Variants in NECTIN1 observed in about 807,000 individuals in gnomAD.
The protein encoded by NECTIN1 is nectin cell adhesion molecule 1, also known as nectin-1.
NECTIN1 carries 23 observed loss-of-function variants against 48.0 expected under a neutral mutation model. The observed-to-expected ratio is 0.48, with a 90% CI of 0.34 to 0.68. The LOEUF is 0.68. Ranked by LOEUF, NECTIN1 falls within the 30% of genes least tolerant of loss-of-function variation. The probability of loss-of-function intolerance (pLI) is 0.01; values close to 1 mark genes in which losing one functional copy is unlikely to be tolerated. For synonymous variants in NECTIN1, 270 were observed against 288.9 expected, an observed-to-expected ratio of 0.93 and a Z score of 0.66; for missense variants, 591 against 709.9, an observed-to-expected ratio of 0.83 and a Z score of 1.90.
At chr11:119,705,898 C>A (rs910411545) in intron 1 of NECTIN1, among the ~76,000 whole-genome samples, 1 of 151,974 alleles carries the variant, frequency 6.6e-6, no homozygotes, top group Admixed American at 6.5e-5. Context: ...AGACAGCTGG[C>A]AGCCCACTCC....
At chr11:119,712,133 C>A (rs938795835) in intron 1 of NECTIN1, among the ~76,000 whole-genome samples, 1 of 152,182 alleles carries the variant, frequency 6.6e-6, no homozygotes, top group African/African-American at 2.4e-5. Context: ...GCTTGGACTG[C>A]GCACAGGTCA....
At chr11:119,646,575 C>G (rs1488842847) in intron 5 of NECTIN1, among the ~76,000 whole-genome samples, 1 of 151,986 alleles carries the variant, frequency 6.6e-6, no homozygotes, top group African/African-American at 2.4e-5. Flanking sequence ...TATTTGATGC[C>G]CCCACCCCTT....
rs66955603 is a variant in NECTIN1 at position 119,683,573 on chromosome 11, G to GGTGT, written c.80-4812_80-4809dup. ...AGAAACAGGGGCTTTGGGGATCCCG[G>GGTGT]GTGTGTGTGTGTGTGTGTGTGTGTG... is the stretch of plus-strand genomic sequence containing the variant. On this transcript the variant is annotated intron_variant, in intron 1 of 5. Transcript: ENST00000264025. This position sits in a 1 kb window ranked among gnomAD's most constrained non-coding sequence, Gnocchi z 4.0. 0.019 allele frequency among the ~76,000 whole-genome samples: 2,778 copies of GGTGT among 143,648 alleles called. 52 individuals are homozygous for GGTGT. Among genetic ancestry groups the GGTGT allele is most frequent in the African/African-American group, 0.053 (2,032 of 38,464 alleles). 94.2% of individuals were successfully genotyped at this position (143,648 alleles called of 152,430 possible). A position where few individuals can be genotyped will look rare whatever the true frequency, so the allele number is the denominator to read the frequency against.
intron 5 of NECTIN1, 84 bp downstream of exon 5, chr11:119,675,075 C>CAGTG: frequency 6.8e-7 from 1 of 1,468,174 alleles, no homozygotes; most frequent in Non-Finnish European, 9.5e-7. Context: ...AATCTTCCTG[C>CAGTG]AGTGGCATTG....
At chr11:119,638,743 A>G in exon 7 of NECTIN1, 1 of 1,613,734 alleles carries the variant, frequency 6.2e-7, no homozygotes, top group Non-Finnish European at 8.5e-7. Flanking sequence ...GGATATCCTC[A>G]GGCACAAGGG....
At chr11:119,718,921 T>C (rs998408488) in intron 1 of NECTIN1, among the ~76,000 whole-genome samples, 1 of 152,248 alleles carries the variant, frequency 6.6e-6, no homozygotes, top group Non-Finnish European at 1.5e-5. Context: ...ACATGAAATG[T>C]TATCTTGGGG....
chr11:119,648,307 ATGGTGGTGATGGTGATGG>A (rs1864434352), intron 5 of NECTIN1, among the ~76,000 whole-genome samples: 1 of 10,430 alleles, frequency 9.6e-5, no homozygotes. Flanking sequence ...GGTGGTGGTG[ATGGTGGTGATGGTGATGG>A]TGGTGATGGT....
At chr11:119,642,659 G>T (rs1452793330) in intron 5 of NECTIN1, 4 of 153,518 alleles carry the variant, frequency 2.6e-5, no homozygotes, top group African/African-American at 9.7e-5. Context: ...CATCTCTGGG[G>T]GATTGGATCC....
chr11:119,677,418 C>T lies in NECTIN1; in HGVS notation c.733+137G>A, dbSNP rs1386697859. 3.5e-6 allele frequency: 4 copies of T among 1,133,850 alleles called. No homozygotes were observed. Among genetic ancestry groups the T allele is most frequent in the Non-Finnish European group, 3.9e-6 (3 of 764,282 alleles). 70.2% of individuals were successfully genotyped at this position (1,133,850 alleles called of 1,614,324 possible). On this transcript the variant is annotated intron_variant, in intron 3 of 5. Transcript: ENST00000264025. This position sits in a 1 kb window ranked among gnomAD's most constrained non-coding sequence, Gnocchi z 5.4. ...ACAGGGAAGGAGGAGAGAAAACGAG[C>T]AAAGGGAGGAGATAGGGGAGACAGG...
downstream of NECTIN1, among the ~76,000 whole-genome samples, chr11:119,659,857 CT>C (rs1201140630): frequency 1.3e-5 from 2 of 152,234 alleles, no homozygotes; most frequent in African/African-American, 2.4e-5. Flanking sequence ...CATTTATTGC[CT>C]GCACAAATTA....
rs1481332063 is a variant in NECTIN1, at chr11:119,728,874, C to T, written c.-321G>A. On this transcript the variant is annotated 5_prime_UTR_variant, in exon 1 of 6. Coordinates refer to ENST00000264025, the MANE Select transcript of NECTIN1 (RefSeq NM_002855.5). ...CGCAGAGCGGGGCTGGGGAGAGGGA[C>T]CCACCCCCGGCGCGCCCGGCTGCCC... is the stretch of plus-strand genomic sequence containing the variant. 3.8e-6 allele frequency: 1 copy of T among 264,248 alleles called. No individual in the cohort carries two copies. The highest frequency in any genetic ancestry group is 7.1e-6 in the Non-Finnish European group (1 of 140,878). The allele number at this position is 264,248 out of a possible 1,614,324, so 16.4% of individuals were successfully genotyped here. A position where few individuals can be genotyped will look rare whatever the true frequency, so the allele number is the denominator to read the frequency against.
Position 119,665,024 on chromosome 11 carries a change from TTCTCGTCG to T in NECTIN1, c.1269_1276del (p.Asp423GlufsTer12). The stretch of plus-strand genomic sequence containing the variant: ...GCTTCCACCCAGTGGGCCGGCCTTC[TTCTCGTCG>T]TCTGAGTCGTCGGGGTACTGCAGGT... On this transcript the variant is annotated frameshift_variant, in exon 6 of 6. Transcript: ENST00000264025. LOFTEE classifies it high-confidence loss of function. The surrounding 1 kb of genome is among the most constrained non-coding windows in gnomAD (Gnocchi z 5.1). 1 of 1,613,842 alleles carries T rather than the reference TTCTCGTCG, an allele frequency of 6.2e-7. No individual in the cohort carries two copies. Among genetic ancestry groups the T allele is most frequent in the Non-Finnish European group, 8.5e-7 (1 of 1,179,898 alleles).
rs1865116628 is a variant in NECTIN1, at chr11:119,684,313, G to C, written c.80-5548C>G. Among the ~76,000 whole-genome samples the C allele has an allele frequency of 6.6e-6, 1 of 152,214 alleles. No homozygotes were observed. The highest frequency in any genetic ancestry group is 2.4e-5 in the African/African-American group (1 of 41,450). On this transcript the variant is annotated intron_variant, in intron 1 of 5. Coordinates refer to ENST00000264025, the MANE Select transcript of NECTIN1 (RefSeq NM_002855.5). This position sits in a 1 kb window ranked among gnomAD's most constrained non-coding sequence, Gnocchi z 5.2. ...CCCCTCCTTTCCTGAGACTCTGCCT[G>C]GGGGCCTTGAAGTGGCTGGGCAGGG...
chr11:119,707,803 C>T (rs1330822842), intron 1 of NECTIN1, among the ~76,000 whole-genome samples: 1 of 152,160 alleles, frequency 6.6e-6, no homozygotes, highest in Non-Finnish European at 1.5e-5. Context: ...ATCAAAATAT[C>T]AAATCAGGGC....
Position 119,662,320 on chromosome 11 carries a change from C to G in NECTIN1, c.*2427G>C. 1.0e-6 allele frequency: 1 copy of G among 985,812 alleles called. No individual in the cohort carries two copies. The highest frequency in any genetic ancestry group is 1.2e-6 in the Non-Finnish European group (1 of 829,928). 61.1% of individuals were successfully genotyped at this position (985,812 alleles called of 1,614,324 possible). A position where few individuals can be genotyped will look rare whatever the true frequency, so the allele number is the denominator to read the frequency against. On this transcript the variant is annotated 3_prime_UTR_variant, in exon 6 of 6. Transcript: ENST00000264025. This position sits in a 1 kb window ranked among gnomAD's most constrained non-coding sequence, Gnocchi z 5.3. Reference sequence around the variant, plus strand: ...ACAGAAAACCTCACATCCCTAGGTCCAAGTGCTGACTCCTGCCTCATGCCC... The same window carrying G: ...ACAGAAAACCTCACATCCCTAGGTCGAAGTGCTGACTCCTGCCTCATGCCC...
chr11:119,677,298 A>G lies in NECTIN1; in HGVS notation c.734-79T>C, dbSNP rs1406118263. 7.0e-6 allele frequency: 9 copies of G among 1,293,178 alleles called. No individual in the cohort carries two copies. The highest frequency in any genetic ancestry group is 1.0e-5 in the Non-Finnish European group (9 of 892,036). The allele number at this position is 1,293,178 out of a possible 1,614,324, so 80.1% of individuals were successfully genotyped here. A position where few individuals can be genotyped will look rare whatever the true frequency, so the allele number is the denominator to read the frequency against. ...ACAAGGGAACTTCAGCCAGGAAGGG[A>G]TGGAAGGAGCAGTGGCATGGAAACA... On this transcript the variant is annotated intron_variant, in intron 3 of 5. Transcript: ENST00000264025. This position sits in a 1 kb window ranked among gnomAD's most constrained non-coding sequence, Gnocchi z 5.4.
At position 119,638,909 on chromosome 11, in the gene NECTIN1, C is replaced by T. The variant is rs1864278584; in HGVS notation, c.1152-103G>A. ...GGTCCCTGAGCCCCACTCACAAGAG[C>T]AGGCCCGGGAGCTCTGCTTCCCAGG... On this transcript the variant is annotated intron_variant, in intron 6 of 7. Transcript: ENST00000341398. The T allele has an allele frequency of 6.5e-6, 7 of 1,082,488 alleles. No individual in the cohort carries two copies. The South Asian group carries it at 9.2e-5, about 14-fold the overall frequency. The allele number at this position is 1,082,488 out of a possible 1,614,324, so 67.1% of individuals were successfully genotyped here. A position where few individuals can be genotyped will look rare whatever the true frequency, so the allele number is the denominator to read the frequency against.
At position 119,678,812 on chromosome 11, in the gene NECTIN1, C is replaced by T; in HGVS notation, c.80-47G>A. On this transcript the variant is annotated intron_variant, in intron 1 of 5. Transcript: ENST00000264025. The surrounding 1 kb of genome is among the most constrained non-coding windows in gnomAD (Gnocchi z 4.4). Reference sequence around the variant, plus strand: ...AGTGGTCAGTGTCAGGCACAGCCTCCCCCCACCCACACAGTTCCCTGTGCT... The same window carrying T: ...AGTGGTCAGTGTCAGGCACAGCCTCTCCCCACCCACACAGTTCCCTGTGCT... 1 of 1,315,184 alleles carries T rather than the reference C, an allele frequency of 7.6e-7. No individual in the cohort carries two copies. Among genetic ancestry groups the T allele is most frequent in the Non-Finnish European group, 1.1e-6 (1 of 928,672 alleles). 81.5% of individuals were successfully genotyped at this position (1,315,184 alleles called of 1,614,324 possible). A position where few individuals can be genotyped will look rare whatever the true frequency, so the allele number is the denominator to read the frequency against.
chr11:119,658,530 GC>G (rs1178125939), downstream of NECTIN1, among the ~76,000 whole-genome samples: 1 of 152,174 alleles, frequency 6.6e-6, no homozygotes, highest in Non-Finnish European at 1.5e-5. Flanking sequence ...GGTTTCAGAA[GC>G]AGGTCTAGCT....
Sources: gnomAD v4.1 joint callset for allele counts (sites outside exome capture counted in the v4.1 genomes callset) on GRCh38, gnomAD v4.1.1 for gene constraint, Gnocchi (gnomAD v3.1) non-coding constraint, MANE v1.5 for transcripts, NCBI Gene and HGNC (gene_info 2026-07-23, HGNC 2026-07-21) for gene names.